ZCCHC24: variants seen among roughly 807,000 people sequenced by gnomAD.
The protein encoded by ZCCHC24 is zinc finger CCHC-type containing 24, also known as zinc finger CCHC domain-containing protein 24.
ZCCHC24 carries 10 observed loss-of-function variants against 26.2 expected under a neutral mutation model. That is an observed-to-expected ratio of 0.38 (90% CI 0.24 to 0.65). ZCCHC24 has a LOEUF of 0.65. Among genes scored for constraint, ZCCHC24 ranks in the 30% least tolerant of loss-of-function variants. ZCCHC24 has a pLI of 0.54. For missense variants in ZCCHC24, 243 were observed against 329.1 expected, an observed-to-expected ratio of 0.74 and a Z score of 2.03; for synonymous variants, 144 against 147.1, an observed-to-expected ratio of 0.98 and a Z score of 0.15.
At chr10:79,386,788 C>T (rs1856404073) in intron 3 of ZCCHC24, among the ~76,000 whole-genome samples, 1 of 152,284 alleles carries the variant, frequency 6.6e-6, no homozygotes, top group South Asian at 2.1e-4. Flanking sequence ...TGTGGAGGGG[C>T]CTTGTACCTG....
intron 2 of ZCCHC24, chr10:79,408,907 T>TG (rs1856755456): frequency 6.6e-6 from 1 of 152,166 alleles, no homozygotes; most frequent in Admixed American, 6.5e-5. Context: ...CTGTCCATGA[T>TG]GGGGGGATAA....
intron 3 of ZCCHC24, among the ~76,000 whole-genome samples, chr10:79,387,182 C>G (rs1168346616): frequency 6.6e-6 from 1 of 152,156 alleles, no homozygotes; most frequent in South Asian, 2.1e-4. Context: ...AACAAGGAAC[C>G]TGAGGCCCAG....
chr10:79,389,341 G>C (rs1217637252), intron 3 of ZCCHC24, among the ~76,000 whole-genome samples: 2 of 152,198 alleles, frequency 1.3e-5, no homozygotes, highest in African/African-American at 4.8e-5. Flanking sequence ...GGAAAACTCT[G>C]TGTCTGGTGT....
intron 2 of ZCCHC24, among the ~76,000 whole-genome samples, chr10:79,423,691 C>T (rs920780955): frequency 5.4e-5 from 8 of 147,506 alleles, no homozygotes; most frequent in Admixed American, 2.7e-4. Flanking sequence ...ATTTTCTCAT[C>T]TGGTTATAAA....
intron 3 of ZCCHC24, among the ~76,000 whole-genome samples, chr10:79,391,197 A>C (rs1268029157): frequency 2.6e-5 from 4 of 152,146 alleles, no homozygotes; most frequent in Non-Finnish European, 5.9e-5. Flanking sequence ...GGGCCCAGCC[A>C]CACACTCTTG....
intron 2 of ZCCHC24, among the ~76,000 whole-genome samples, chr10:79,421,028 C>T (rs922410359): frequency 2.0e-5 from 3 of 152,166 alleles, no homozygotes; most frequent in Non-Finnish European, 2.9e-5. Context: ...AGGGGTGGAA[C>T]GCAGGCAGGC....
rs144987484 is a variant in ZCCHC24, at chr10:79,432,740, A to C, written c.265T>G (p.Tyr89Asp). Residue 89 changes from tyrosine (Y) to aspartate (D), a missense_variant, in exon 2 of 4, where the codon TAC (tyrosine) becomes GAC (aspartate). Tyr to Asp is a radical substitution (Grantham distance 160). Transcript: ENST00000372336. ...QRGEALSNSV[Y>D]KGASPYGSLN... ...GAGCCATAGGGTGAGGCGCCCTTGT[A>C]CACACTGTTGCTCAGCGCCTGTGGG... The C allele has an allele frequency of 8.0e-4, 1,286 of 1,609,280 alleles. 1 individual carries two copies. Among genetic ancestry groups the C allele is most frequent in the Non-Finnish European group, 1.0e-3 (1,211 of 1,178,376 alleles).
chr10:79,426,551 A>T (rs1857030813), intron 2 of ZCCHC24, among the ~76,000 whole-genome samples: 1 of 152,186 alleles, frequency 6.6e-6, no homozygotes, highest in South Asian at 2.1e-4. Context: ...CAAAACAAGG[A>T]GCGAATAGAG....
At chr10:79,405,867 G>A (rs924204505) in intron 2 of ZCCHC24, among the ~76,000 whole-genome samples, 1 of 152,258 alleles carries the variant, frequency 6.6e-6, no homozygotes, top group African/African-American at 2.4e-5. Flanking sequence ...AGCAGTTTGG[G>A]GCCACTCTGG....
chr10:79,422,838 C>G (rs1856966538), intron 2 of ZCCHC24, among the ~76,000 whole-genome samples: 1 of 152,158 alleles, frequency 6.6e-6, no homozygotes, highest in Non-Finnish European at 1.5e-5. Flanking sequence ...TAATGAGTAC[C>G]ACTAACAATG....
intron 2 of ZCCHC24, among the ~76,000 whole-genome samples, chr10:79,422,560 C>T (rs570414679): frequency 1.4e-4 from 21 of 152,358 alleles, no homozygotes; most frequent in African/African-American, 5.0e-4. Flanking sequence ...CATCCTGCCT[C>T]TAAGATCTCA....
chr10:79,409,984 C>T (rs917333467), intron 2 of ZCCHC24, among the ~76,000 whole-genome samples: 1 of 152,188 alleles, frequency 6.6e-6, no homozygotes, highest in Non-Finnish European at 1.5e-5. Flanking sequence ...CCTGTGCCTC[C>T]GCCCCTCCCC....
At chr10:79,430,712 A>ACACC (rs1311631405) in intron 2 of ZCCHC24, among the ~76,000 whole-genome samples, 2 of 149,010 alleles carry the variant, frequency 1.3e-5, no homozygotes, top group Non-Finnish European at 3.0e-5. Flanking sequence ...ACACACACAC[A>ACACC]CCCTCTGCTA....
intron 2 of ZCCHC24, among the ~76,000 whole-genome samples, chr10:79,427,248 C>T (rs893816983): frequency 6.6e-6 from 1 of 152,120 alleles, no homozygotes; most frequent in African/African-American, 2.4e-5. Context: ...TTTCTGGAGG[C>T]TTAAATATCC....
chr10:79,434,459 G>A (rs1406305675), intron 1 of ZCCHC24, among the ~76,000 whole-genome samples: 2 of 152,154 alleles, frequency 1.3e-5, no homozygotes, highest in East Asian at 1.9e-4. Flanking sequence ...ATGGGGGAGA[G>A]TTCTGATAAA....
At chr10:79,425,687 G>A (rs1857017620) in intron 2 of ZCCHC24, among the ~76,000 whole-genome samples, 1 of 152,132 alleles carries the variant, frequency 6.6e-6, no homozygotes. Context: ...GATCACTATA[G>A]TACCTACCGA....
In ZCCHC24 at chr10:79,386,220, C is replaced by A. The variant is rs1157019506; in HGVS notation, c.*125G>T. On this transcript the variant is annotated 3_prime_UTR_variant, in exon 4 of 4. Transcript: ENST00000372336. ...GACAAGGACGCTAAGAGCCCCCGGC[C>A]CAGCCCCGCAGGCCTGCGAGGGCAC... 1.2e-6 allele frequency: 1 copy of A among 825,396 alleles called. No individual in the cohort carries two copies. The highest frequency in any genetic ancestry group is 2.0e-6 in the Non-Finnish European group (1 of 499,212). The allele number at this position is 825,396 out of a possible 1,614,324, so 51.1% of individuals were successfully genotyped here.
rs888126277 is a variant in ZCCHC24, at chr10:79,384,938, G to A, written c.*1407C>T. 1.3e-5 allele frequency: 2 copies of A among 152,270 alleles called. No individual in the cohort carries two copies. Among genetic ancestry groups the A allele is most frequent in the African/African-American group, 4.8e-5 (2 of 41,432 alleles). 9.4% of individuals were successfully genotyped at this position (152,270 alleles called of 1,614,324 possible). A position where few individuals can be genotyped will look rare whatever the true frequency, so the allele number is the denominator to read the frequency against. ...GGGGCTTCTCATCCGGGAGACAGAG[G>A]AGCGCACGATCCCGCCGCCAGCCAG... On this transcript the variant is annotated 3_prime_UTR_variant, in exon 4 of 4. Transcript: ENST00000372336.
intron 3 of ZCCHC24, 53 bp from the exon 4 acceptor site, chr10:79,386,511 A>G: frequency 1.4e-6 from 2 of 1,414,368 alleles, no homozygotes. Flanking sequence ...AGAAAGACAG[A>G]AACACAGAGA....
Sources: gnomAD v4.1 joint callset for allele counts (sites outside exome capture counted in the v4.1 genomes callset) on GRCh38, gnomAD v4.1.1 for gene constraint, MANE v1.5 for transcripts, NCBI Gene and HGNC (gene_info 2026-07-23, HGNC 2026-07-21) for gene names.